Variants in RFC3 observed in about 807,000 individuals in gnomAD.
The protein encoded by RFC3 is replication factor C subunit 3, also known as A1 38 kDa subunit.
In RFC3, 41 loss-of-function variants were observed where a neutral mutation model predicts 45.1. That is an observed-to-expected ratio of 0.91 (90% confidence interval 0.71 to 1.18). The LOEUF (loss-of-function observed/expected upper bound fraction) is 1.18, where lower values mean the gene tolerates loss of function less well. RFC3 is among the 50% of genes most tolerant of loss of function. The pLI is 0.00. For synonymous variants in RFC3, 149 were observed against 144.0 expected, an observed-to-expected ratio of 1.03 and a Z score of -0.25; for missense variants, 423 against 428.1, an observed-to-expected ratio of 0.99 and a Z score of 0.10.
chr13:33,851,840 C>T (rs1319513673), intron 8 of RFC3, among the ~76,000 whole-genome samples: 2 of 152,164 alleles, frequency 1.3e-5, no homozygotes, highest in African/African-American at 4.8e-5. Flanking sequence ...ATCTGGTCTA[C>T]AATCTTGTGG....
intron 8 of RFC3, among the ~76,000 whole-genome samples, chr13:33,920,453 G>T (rs2082761926): frequency 8.4e-6 from 1 of 119,430 alleles, no homozygotes. Context: ...TTTGCAACAA[G>T]GTCCTCACTC....
downstream of RFC3, among the ~76,000 whole-genome samples, chr13:33,967,486 C>CTTTTTTTTTTTTTTTTTTT (rs11393413): frequency 8.4e-6 from 1 of 119,470 alleles, no homozygotes; most frequent in African/African-American, 3.2e-5. Context: ...ACCAGCAATT[C>CTTTTTTTTTTTTTTTTTTT]TTTTTTTTTT....
intron 4 of RFC3, among the ~76,000 whole-genome samples, chr13:33,829,147 A>T (rs2082078399): frequency 6.6e-6 from 1 of 152,194 alleles, no homozygotes; most frequent in African/African-American, 2.4e-5. Context: ...TAATTTGTTA[A>T]TATAATGAAA....
In RFC3 at chr13:33,836,422, C is replaced by A. The variant is rs1284906127; in HGVS notation, c.*127C>A. On this transcript the variant is annotated 3_prime_UTR_variant, in exon 9 of 9. Coordinates refer to ENST00000380071, the MANE Select transcript of RFC3 (RefSeq NM_002915.4). Reference sequence around the variant, plus strand: ...ATTTGCGTTTTTTTGGTAATAACTTCTCTGTGAACTATTAATCATCCTCTG... The same window carrying A: ...ATTTGCGTTTTTTTGGTAATAACTTATCTGTGAACTATTAATCATCCTCTG... 1.0e-5 allele frequency: 15 copies of A among 1,478,132 alleles called. No homozygotes were observed. The East Asian group carries it at 3.3e-4, about 32-fold the overall frequency. 91.6% of individuals were successfully genotyped at this position (1,478,132 alleles called of 1,614,324 possible).
downstream of RFC3, among the ~76,000 whole-genome samples, chr13:33,840,570 A>G (rs1187407065): frequency 7.0e-6 from 1 of 142,762 alleles, no homozygotes; most frequent in Non-Finnish European, 1.5e-5. Context: ...TTACATTATC[A>G]AGTGTCTGAA....
Position 33,818,184 on chromosome 13 carries a change from C to G in RFC3, c.6C>G (p.Ser2Arg), listed in dbSNP as rs147166048. The G allele has an allele frequency of 1.4e-5, 22 of 1,613,082 alleles. No homozygotes were observed. The African/African-American group carries it at 2.8e-4, about 21-fold the overall frequency. The change falls in exon 1 of 9, where the codon AGC becomes AGG. Residue 2 changes from serine to arginine, a missense_variant. By Grantham distance (110) the Ser-to-Arg change is moderately radical. Coordinates refer to ENST00000380071, the MANE Select transcript of RFC3 (RefSeq NM_002915.4). ...CCCCGGGAACTCGAGCTGCCATGAG[C>G]CTCTGGGTGGACAAGTATCGGCCCT... is the stretch of plus-strand genomic sequence containing the variant. M[S>R]LWVDKYRPCS...
chr13:33,837,130 G>T lies in RFC3; in HGVS notation c.*835G>T. ...AAAATAAAATATACCCATTTTAAGGGTACAGTTTGATTTTTGACCAGTGAA... is the reference window on the plus strand; with the variant it reads ...AAAATAAAATATACCCATTTTAAGGTTACAGTTTGATTTTTGACCAGTGAA... On this transcript the variant is annotated 3_prime_UTR_variant, in exon 9 of 9. Coordinates refer to ENST00000380071, the MANE Select transcript of RFC3 (RefSeq NM_002915.4). The T allele has an allele frequency of 1.2e-6, 1 of 845,000 alleles. No homozygotes were observed. The highest frequency in any genetic ancestry group is 1.4e-6 in the Non-Finnish European group (1 of 702,172). 52.3% of individuals were successfully genotyped at this position (845,000 alleles called of 1,614,324 possible).
Position 33,929,517 on chromosome 13 carries a change from G to A in RFC3, c.880-36570G>A, listed in dbSNP as rs528527066. On this transcript the variant is annotated intron_variant, in intron 8 of 8. Coordinates refer to the RFC3 transcript ENST00000434425. The stretch of plus-strand genomic sequence containing the variant: ...AAGAAAGATCATACAACTTCATATA[G>A]CTCCCAAATATTTCAAATGTGATAT... Among the ~76,000 whole-genome samples, 3 of 152,148 alleles carry A rather than the reference G, an allele frequency of 2.0e-5. No individual in the cohort carries two copies. In the East Asian group the frequency reaches 5.8e-4, roughly 29 times the overall value.
chr13:33,854,594 A>G (rs968341546), intron 8 of RFC3, among the ~76,000 whole-genome samples: 21 of 152,194 alleles, frequency 1.4e-4, no homozygotes, highest in African/African-American at 4.6e-4. Flanking sequence ...AAGTAGTTCC[A>G]TAGCTACAGA....
intron 8 of RFC3, among the ~76,000 whole-genome samples, chr13:33,925,385 T>C (rs2082801675): frequency 8.0e-6 from 1 of 125,332 alleles, no homozygotes; most frequent in African/African-American, 4.1e-5. Context: ...TATAGTGTAC[T>C]ATATACATAC....
intron 8 of RFC3, among the ~76,000 whole-genome samples, chr13:33,909,730 C>G (rs895349382): frequency 6.6e-6 from 1 of 152,048 alleles, no homozygotes; most frequent in African/African-American, 2.4e-5. Flanking sequence ...GCCATGCTCC[C>G]AGAGACATAA....
In RFC3 at chr13:33,875,972, G is replaced by A. The variant is rs182337714; in HGVS notation, c.879+40755G>A. 1.1e-4 allele frequency among the ~76,000 whole-genome samples: 16 copies of A among 152,304 alleles called. No individual in the cohort carries two copies. In the South Asian group the frequency reaches 2.3e-3, roughly 22 times the overall value. Reference sequence around the variant, plus strand: ...TGTTTAGTATATTGCTGGGCACATAGTATGTGTTTCATAAATGTTAGCTAT... The same window carrying A: ...TGTTTAGTATATTGCTGGGCACATAATATGTGTTTCATAAATGTTAGCTAT... On this transcript the variant is annotated intron_variant, in intron 8 of 8. Coordinates refer to the RFC3 transcript ENST00000434425.
At position 33,853,844 on chromosome 13, in the gene RFC3, A is replaced by G. The variant is rs547808261; in HGVS notation, c.879+18627A>G. On this transcript the variant is annotated intron_variant, in intron 8 of 8. Coordinates refer to the RFC3 transcript ENST00000434425. ...AACCCACAGGACCTCACTTGGAGCA[A>G]CTGGGGAACTACTACTTAAAGACTG... 9.2e-5 allele frequency among the ~76,000 whole-genome samples: 14 copies of G among 152,328 alleles called. No individual in the cohort carries two copies. In the South Asian group the frequency reaches 2.9e-3, roughly 32 times the overall value.
Position 33,835,212 on chromosome 13 carries a change from A to G in RFC3, c.874A>G (p.Met292Val). ...TCATTGTATTCCTCCTGAGATAATA[A>G]TGAAGGTAACCCAATTTCAGATCTT... is the stretch of plus-strand genomic sequence containing the variant. ...LTHCIPPEII[M>V]KGLLSELLHN... Residue 292 changes from methionine (M) to valine (V), a missense_variant, in exon 8 of 9, where the codon ATG (methionine) becomes GTG (valine). Met to Val is a conservative substitution (Grantham distance 21, BLOSUM62 1). Coordinates refer to ENST00000380071, the MANE Select transcript of RFC3 (RefSeq NM_002915.4). 6.2e-7 allele frequency: 1 copy of G among 1,606,846 alleles called. No individual in the cohort carries two copies. The highest frequency in any genetic ancestry group is 8.5e-7 in the Non-Finnish European group (1 of 1,173,656).
At chr13:33,847,746 T>C (rs1314400143) in intron 8 of RFC3, 1 of 152,224 alleles carries the variant, frequency 6.6e-6, no homozygotes, top group Non-Finnish European at 1.5e-5. Context: ...AAAATACAGT[T>C]TAGTCTAAAA....
At chr13:33,925,675 G>A (rs1477361772) in intron 8 of RFC3, among the ~76,000 whole-genome samples, 2 of 145,640 alleles carry the variant, frequency 1.4e-5, no homozygotes, top group African/African-American at 5.3e-5. Flanking sequence ...AATTAAGTTA[G>A]TGTGTATGTA....
Position 33,890,632 on chromosome 13 carries a change from T to G in RFC3, c.879+55415T>G, listed in dbSNP as rs2082557702. Among the ~76,000 whole-genome samples the G allele has an allele frequency of 2.6e-5, 4 of 152,216 alleles. No individual in the cohort carries two copies. In the South Asian group the frequency reaches 8.3e-4, roughly 32 times the overall value. On this transcript the variant is annotated intron_variant, in intron 8 of 8. Coordinates refer to the RFC3 transcript ENST00000434425. ...ACCCTCATGTTTATTTATCATTTAC[T>G]ATGTTTGTGTCAGGCATTGTCCTGA...
At chr13:33,909,644 A>G (rs1467727801) in intron 8 of RFC3, among the ~76,000 whole-genome samples, 3 of 152,020 alleles carry the variant, frequency 2.0e-5, no homozygotes, top group African/African-American at 4.8e-5. Context: ...AAACTTAATA[A>G]ATAGGTTGCC....
At chr13:33,964,204 A>G (rs2083074077) in intron 8 of RFC3, among the ~76,000 whole-genome samples, 1 of 152,354 alleles carries the variant, frequency 6.6e-6, no homozygotes, top group East Asian at 1.9e-4. Context: ...AAAGGAGGCA[A>G]TACCGTTATT....
Sources: gnomAD v4.1 joint callset for allele counts (sites outside exome capture counted in the v4.1 genomes callset) on GRCh38, gnomAD v4.1.1 for gene constraint, MANE v1.5 for transcripts, NCBI Gene and HGNC (gene_info 2026-07-23, HGNC 2026-07-21) for gene names.